The following FBXL17 variants were observed in gnomAD, a reference collection of about 807,000 sequenced individuals.
The protein encoded by FBXL17 is F-box/LRR-repeat protein 17.
In FBXL17, 22 loss-of-function variants were observed where a neutral mutation model predicts 66.2. The observed-to-expected ratio is 0.33, with a 90% CI of 0.24 to 0.47. The LOEUF (loss-of-function observed/expected upper bound fraction) is 0.47. Among genes scored for constraint, FBXL17 ranks in the 20% least tolerant of loss-of-function variants. The pLI is 1.00. For missense variants in FBXL17, 878 were observed against 948.2 expected (o/e 0.93, Z 0.97); for synonymous variants, 474 against 400.5 (o/e 1.18, Z -2.19).
chr5:107,919,285 G>A (rs934614315), intron 7 of FBXL17, among the ~76,000 whole-genome samples: 9 of 152,038 alleles, frequency 5.9e-5, no homozygotes, highest in South Asian at 4.2e-4. Context: ...TGTTGGCTCC[G>A]CTTTCCATCG....
chr5:108,051,011 G>A (rs770694381), intron 6 of FBXL17, among the ~76,000 whole-genome samples: 5 of 152,106 alleles, frequency 3.3e-5, no homozygotes, highest in East Asian at 3.8e-4. Context: ...TTCTTGGACA[G>A]ATACACCTTC....
At chr5:108,020,197 C>A (rs1754536075) in intron 7 of FBXL17, among the ~76,000 whole-genome samples, 1 of 151,792 alleles carries the variant, frequency 6.6e-6, no homozygotes, top group East Asian at 1.9e-4. Context: ...AAACGAAAAC[C>A]ATTTCATTCT....
At chr5:108,191,850 TGA>T (rs1034510978) in intron 5 of FBXL17, among the ~76,000 whole-genome samples, 6 of 152,324 alleles carry the variant, frequency 3.9e-5, no homozygotes, top group African/African-American at 1.4e-4. Flanking sequence ...CAGGTTTACT[TGA>T]GCTCTTATGC....
chr5:107,922,715 T>C (rs959222789), intron 7 of FBXL17, among the ~76,000 whole-genome samples: 2 of 152,202 alleles, frequency 1.3e-5, no homozygotes, highest in Non-Finnish European at 2.9e-5. Flanking sequence ...GGCTACTTCA[T>C]ATTCAGTCAA....
At chr5:107,923,339 C>T (rs1750386341) in intron 7 of FBXL17, among the ~76,000 whole-genome samples, 1 of 152,148 alleles carries the variant, frequency 6.6e-6, no homozygotes, top group Non-Finnish European at 1.5e-5. Flanking sequence ...CCTGTTATGG[C>T]GTTTTCATCC....
intron 3 of FBXL17, among the ~76,000 whole-genome samples, chr5:108,356,299 A>G (rs1337340293): frequency 6.6e-6 from 1 of 152,156 alleles, no homozygotes; most frequent in East Asian, 1.9e-4. Context: ...GAAGACTCTT[A>G]GCACATGATC....
intron 6 of FBXL17, among the ~76,000 whole-genome samples, chr5:108,143,898 G>A (rs543462814): frequency 6.6e-6 from 1 of 152,100 alleles, no homozygotes; most frequent in African/African-American, 2.4e-5. Context: ...GTCCCAGTAA[G>A]CTGGTAGAGA....
At chr5:108,128,106 C>T (rs1343829623) in intron 6 of FBXL17, among the ~76,000 whole-genome samples, 3 of 151,950 alleles carry the variant, frequency 2.0e-5, no homozygotes, top group Non-Finnish European at 2.9e-5. Flanking sequence ...ATTAGCTGGG[C>T]GTGGTGGTGC....
chr5:108,130,903 G>T (rs1010808510), intron 6 of FBXL17, among the ~76,000 whole-genome samples: 10 of 151,920 alleles, frequency 6.6e-5, no homozygotes, highest in African/African-American at 2.4e-4. Flanking sequence ...TTCTCATTTA[G>T]ATTTTGTTTC....
At chr5:108,055,294 AAAAAAAAAAAAAAAAAAAAG>A (rs66502806) in intron 6 of FBXL17, among the ~76,000 whole-genome samples, 34,362 of 91,068 alleles carry the variant, frequency 0.38, 6,377 homozygotes, top group Admixed American at 0.45. Context: ...AAAAAAAAAA[AAAAAAAAAAAAAAAAAAAAG>A]AAAAACGCTT....
At chr5:108,237,441 AC>A (rs1755656464) in intron 4 of FBXL17, among the ~76,000 whole-genome samples, 1 of 152,146 alleles carries the variant, frequency 6.6e-6, no homozygotes, top group Non-Finnish European at 1.5e-5. Flanking sequence ...TCTGACTAGA[AC>A]CAAAAGCAAG....
intron 7 of FBXL17, among the ~76,000 whole-genome samples, chr5:108,017,899 A>G (rs73206538): frequency 0.13 from 19,723 of 152,112 alleles, 1,456 homozygotes; most frequent in East Asian, 0.17. Flanking sequence ...ACTATATCAT[A>G]TATCAATTAA....
intron 4 of FBXL17, among the ~76,000 whole-genome samples, chr5:108,282,747 T>A (rs959628147): frequency 6.6e-6 from 1 of 151,002 alleles, no homozygotes; most frequent in Non-Finnish European, 1.5e-5. Context: ...TATAATCTTA[T>A]ATCTAAAAAA....
intron 6 of FBXL17, among the ~76,000 whole-genome samples, chr5:108,043,312 T>C (rs966134124): frequency 9.8e-5 from 15 of 152,308 alleles, no homozygotes; most frequent in African/African-American, 3.6e-4. Flanking sequence ...CCCTAGACCC[T>C]GAAGGTTTTT....
At chr5:108,254,681 A>T (rs1756499101) in intron 4 of FBXL17, among the ~76,000 whole-genome samples, 1 of 152,212 alleles carries the variant, frequency 6.6e-6, no homozygotes, top group Non-Finnish European at 1.5e-5. Context: ...TAATTTGTAG[A>T]ATATTTAATA....
chr5:108,354,111 T>C (rs1232962359), intron 3 of FBXL17, among the ~76,000 whole-genome samples: 1 of 152,210 alleles, frequency 6.6e-6, no homozygotes, highest in Non-Finnish European at 1.5e-5. Flanking sequence ...TCTTGGAACA[T>C]ACTGGATTTT....
intron 6 of FBXL17, among the ~76,000 whole-genome samples, 175 bp downstream of exon 6, chr5:108,185,942 T>A (rs1172398926): frequency 6.6e-6 from 1 of 152,218 alleles, no homozygotes; most frequent in Non-Finnish European, 1.5e-5. Context: ...GCTGCACTTA[T>A]AAGCAACAGA....
chr5:108,289,322 C>T (rs935227467), intron 4 of FBXL17, among the ~76,000 whole-genome samples: 2 of 152,038 alleles, frequency 1.3e-5, no homozygotes, highest in African/African-American at 2.4e-5. Context: ...AATGTTAAGA[C>T]GTTCCTTGAA....
chr5:108,311,649 T>A (rs1197762354), intron 4 of FBXL17, among the ~76,000 whole-genome samples: 1 of 152,020 alleles, frequency 6.6e-6, no homozygotes, highest in African/African-American at 2.4e-5. Context: ...TTTTATTTCA[T>A]CTCCACATCC....
Sources: allele counts gnomAD v4.1 joint callset (sites outside exome capture counted in the v4.1 genomes callset), GRCh38; gene constraint gnomAD v4.1.1; transcripts MANE v1.5; gene names NCBI Gene and HGNC (gene_info 2026-07-23, HGNC 2026-07-21).